Variants in CHST9 observed in about 807,000 individuals in gnomAD.
The protein encoded by CHST9 is carbohydrate sulfotransferase 9.
A neutral mutation model predicts 44.4 loss-of-function variants in CHST9; 41 were observed. The observed-to-expected ratio is 0.92, with a 90% CI of 0.72 to 1.20. The LOEUF (loss-of-function observed/expected upper bound fraction) is 1.20. Ranked by LOEUF, CHST9 falls within the 50% of genes most tolerant of loss-of-function variation. CHST9 has a pLI of 0.00. For missense variants in CHST9, 504 were observed against 516.5 expected (o/e 0.98, Z 0.23); for synonymous variants, 171 against 178.4 (o/e 0.96, Z 0.33).
chr18:27,100,728 A>G (rs1388873150), intron 2 of CHST9, among the ~76,000 whole-genome samples: 1 of 152,264 alleles, frequency 6.6e-6, no homozygotes, highest in Non-Finnish European at 1.5e-5. Context: ...CCTAGTGTGT[A>G]TATTATATGG....
At chr18:27,119,102 G>A (rs945644919) in intron 2 of CHST9, among the ~76,000 whole-genome samples, 6 of 152,084 alleles carry the variant, frequency 3.9e-5, no homozygotes, top group African/African-American at 1.4e-4. Flanking sequence ...CTCTGGGCAA[G>A]GGGTTGATTA....
chr18:26,995,161 C>T (rs899816840), intron 4 of CHST9, among the ~76,000 whole-genome samples: 6 of 150,746 alleles, frequency 4.0e-5, no homozygotes, highest in South Asian at 2.1e-4. Flanking sequence ...CAGTGGCTCA[C>T]GCCTGTAATC....
intron 2 of CHST9, among the ~76,000 whole-genome samples, chr18:27,126,534 C>T (rs770842522): frequency 1.3e-5 from 2 of 152,052 alleles, no homozygotes; most frequent in Non-Finnish European, 2.9e-5. Context: ...CTGCAGAGGC[C>T]TAGGGTTGAG....
At chr18:27,121,792 T>C (rs2058376677) in intron 2 of CHST9, among the ~76,000 whole-genome samples, 2 of 152,190 alleles carry the variant, frequency 1.3e-5, no homozygotes, top group Admixed American at 1.3e-4. Flanking sequence ...CTGAAATCAC[T>C]CTGGACTTTC....
intron 1 of CHST9, among the ~76,000 whole-genome samples, chr18:27,169,207 T>C (rs2058814722): frequency 6.6e-6 from 1 of 152,226 alleles, no homozygotes; most frequent in Non-Finnish European, 1.5e-5. Context: ...ATATGTATGT[T>C]GTTTCAAGCT....
At chr18:26,991,279 AC>A (rs1681481456) in intron 4 of CHST9, among the ~76,000 whole-genome samples, 1 of 151,964 alleles carries the variant, frequency 6.6e-6, no homozygotes, top group Non-Finnish European at 1.5e-5. Flanking sequence ...TAATTCTCTA[AC>A]GGATTAGATA....
intron 4 of CHST9, among the ~76,000 whole-genome samples, chr18:26,948,668 T>C (rs796124504): frequency 2.6e-5 from 4 of 152,334 alleles, no homozygotes; most frequent in African/African-American, 9.6e-5. Context: ...TGACAATTAC[T>C]AGGTGTTTGA....
Position 27,031,477 on chromosome 18 carries a change from C to T in CHST9, c.161-7320G>A, listed in dbSNP as rs766920476. ...ATAATCATTCTTTTTAGCTTTTCAG[C>T]GCTGCAGCATTCTGGCCAAGGTCCT... On this transcript the variant is annotated intron_variant, in intron 3 of 5. Coordinates refer to ENST00000618847, the MANE Select transcript of CHST9 (RefSeq NM_031422.6). Among the ~76,000 whole-genome samples, 51 of 152,202 alleles carry T rather than the reference C, an allele frequency of 3.4e-4. 1 individual carries two copies. The highest frequency in any genetic ancestry group is 1.3e-3 in the Admixed American group (20 of 15,292).
intron 2 of CHST9, among the ~76,000 whole-genome samples, chr18:27,126,064 TAAA>T (rs1567927368): frequency 1.3e-5 from 2 of 152,218 alleles, no homozygotes; most frequent in African/African-American, 2.4e-5. Context: ...TACCGCATGA[TAAA>T]GAAGTTTTGC....
intron 5 of CHST9, among the ~76,000 whole-genome samples, chr18:26,940,923 T>C (rs1259120443): frequency 6.6e-6 from 1 of 152,192 alleles, no homozygotes; most frequent in Non-Finnish European, 1.5e-5. Flanking sequence ...CAGCCATGTG[T>C]CCACAGGGGC....
chr18:27,049,975 A>G (rs140910229), intron 2 of CHST9, among the ~76,000 whole-genome samples: 56 of 152,260 alleles, frequency 3.7e-4, no homozygotes, highest in Non-Finnish European at 7.1e-4. Flanking sequence ...GGACCTCAAC[A>G]AAGTGCAGGC....
chr18:26,923,780 T>C (rs373688337), intron 5 of CHST9, among the ~76,000 whole-genome samples: 38 of 152,296 alleles, frequency 2.5e-4, no homozygotes, highest in African/African-American at 5.1e-4. Context: ...ATTGCTATAA[T>C]AAAAGGATAG....
At chr18:27,174,232 T>C (rs1461052869) in intron 1 of CHST9, among the ~76,000 whole-genome samples, 1 of 151,944 alleles carries the variant, frequency 6.6e-6, no homozygotes, top group Non-Finnish European at 1.5e-5. Flanking sequence ...TCTCCTAGTC[T>C]CCTTTAATCC....
chr18:26,971,796 G>A (rs1338777232), intron 4 of CHST9, among the ~76,000 whole-genome samples: 2 of 152,024 alleles, frequency 1.3e-5, no homozygotes, highest in African/African-American at 4.8e-5. Flanking sequence ...ACTAGACCTG[G>A]AAGGACAGAG....
chr18:26,983,063 C>G (rs961671486), intron 4 of CHST9, among the ~76,000 whole-genome samples: 1 of 152,070 alleles, frequency 6.6e-6, no homozygotes, highest in Non-Finnish European at 1.5e-5. Context: ...ATTAGCCGGG[C>G]TAAGAATCAC....
chr18:26,920,390 C>A (rs368737), intron 5 of CHST9, among the ~76,000 whole-genome samples: 12 of 152,240 alleles, frequency 7.9e-5, no homozygotes, highest in Non-Finnish European at 1.5e-5. Context: ...TTCACCCTGT[C>A]TAGGTTATTT....
intron 1 of CHST9, among the ~76,000 whole-genome samples, chr18:27,150,004 T>C (rs1363414871): frequency 6.6e-6 from 1 of 152,148 alleles, no homozygotes; most frequent in Non-Finnish European, 1.5e-5. Context: ...AAAAGTTACA[T>C]TTTGCTTGTA....
At chr18:27,123,392 C>T (rs2058392027) in intron 2 of CHST9, among the ~76,000 whole-genome samples, 1 of 152,142 alleles carries the variant, frequency 6.6e-6, no homozygotes, top group Non-Finnish European at 1.5e-5. Context: ...CACACCATCA[C>T]CCTGGTAAAA....
At chr18:27,086,931 T>C (rs1461230283) in intron 2 of CHST9, among the ~76,000 whole-genome samples, 1 of 151,952 alleles carries the variant, frequency 6.6e-6, no homozygotes, top group Non-Finnish European at 1.5e-5. Context: ...CATGAGGTGG[T>C]TTCTTTAATT....
Sources: allele counts gnomAD v4.1 joint callset (sites outside exome capture counted in the v4.1 genomes callset), GRCh38; gene constraint gnomAD v4.1.1; transcripts MANE v1.5; gene names NCBI Gene and HGNC (gene_info 2026-07-23, HGNC 2026-07-21).